DRC5: variants seen among roughly 807,000 people sequenced by gnomAD.
DRC5 encodes the protein dynein regulatory complex subunit 5, also known as T-complex-associated testis-expressed protein 1.
the DRC5 span, chr6:44,287,618 C>A: frequency 4.3e-6 from 7 of 1,614,164 alleles, no homozygotes; most frequent in Admixed American, 1.7e-5. Context: ...AGTGACCACT[C>A]AGGATCCTCA....
the DRC5 span, chr6:44,280,118 G>T: frequency 7.0e-7 from 1 of 1,429,168 alleles, no homozygotes; most frequent in Non-Finnish European, 9.8e-7. Context: ...ATACTCTGCA[G>T]CAGGCATGGC....
chr6:44,286,073 ACCAGGT>A, the DRC5 span: 14 of 1,614,046 alleles, frequency 8.7e-6, no homozygotes, highest in Non-Finnish European at 1.2e-5. Context: ...GACATCGTAC[ACCAGGT>A]CCAGCTCCTC....
the DRC5 span, among the ~76,000 whole-genome samples, chr6:44,288,149 T>G: frequency 6.6e-6 from 1 of 152,260 alleles, no homozygotes; most frequent in East Asian, 1.9e-4. Flanking sequence ...GATAAAATAA[T>G]GCATCCAAAG....
the DRC5 span, among the ~76,000 whole-genome samples, chr6:44,281,528 G>T: frequency 6.6e-6 from 1 of 152,160 alleles, no homozygotes; most frequent in Non-Finnish European, 1.5e-5. Context: ...GGGGTTACAG[G>T]TGCATGCCAC....
chr6:44,290,185 G>C, the DRC5 span, among the ~76,000 whole-genome samples: 1 of 152,148 alleles, frequency 6.6e-6, no homozygotes, highest in African/African-American at 2.4e-5. Flanking sequence ...GGGCTGGAGG[G>C]GGTTGCTGCT....
chr6:44,293,284 G>A, the DRC5 span, among the ~76,000 whole-genome samples: 1 of 140,032 alleles, frequency 7.1e-6, no homozygotes, highest in Non-Finnish European at 1.5e-5. Flanking sequence ...GTCCTTTCAA[G>A]GTCCTTTCAG....
At chr6:44,289,194 C>A in the DRC5 span, among the ~76,000 whole-genome samples, 1 of 151,160 alleles carries the variant, frequency 6.6e-6, no homozygotes, top group African/African-American at 2.4e-5. Context: ...CTGCCACCAC[C>A]CCCAGCTAAT....
At chr6:44,286,129 G>A in the DRC5 span, 5 of 1,613,952 alleles carry the variant, frequency 3.1e-6, no homozygotes, top group African/African-American at 6.7e-5. Context: ...CCAGTTGGTA[G>A]TGGTCAACGG....
At chr6:44,290,766 C>T in the DRC5 span, among the ~76,000 whole-genome samples, 1 of 152,170 alleles carries the variant, frequency 6.6e-6, no homozygotes, top group African/African-American at 2.4e-5. Context: ...TGTGCATTGC[C>T]CTGGAGTTGA....
chr6:44,292,178 G>A, the DRC5 span, among the ~76,000 whole-genome samples: 97 of 152,258 alleles, frequency 6.4e-4, no homozygotes, highest in African/African-American at 2.2e-3. Context: ...AAGGCCCTCC[G>A]TGGCTGGACA....
chr6:44,288,021 G>A, the DRC5 span: 1 of 602,668 alleles, frequency 1.7e-6, no homozygotes, highest in Non-Finnish European at 2.7e-6. Flanking sequence ...AGTCCCTGGA[G>A]TGAAGCAGAT....
chr6:44,279,802 G>T, the DRC5 span: 3 of 178,114 alleles, frequency 1.7e-5, no homozygotes, highest in Non-Finnish European at 2.3e-5. Context: ...TGTGTTTGAA[G>T]ATCAAGGATC....
the DRC5 span, among the ~76,000 whole-genome samples, chr6:44,294,772 C>CAAAAAAAA: frequency 2.3e-5 from 2 of 88,724 alleles, no homozygotes; most frequent in Admixed American, 1.3e-4. Context: ...AACTCTGTCT[C>CAAAAAAAA]AAAAAAAAAA....
At chr6:44,282,404 G>A in the DRC5 span, 73 of 1,613,986 alleles carry the variant, frequency 4.5e-5, no homozygotes, top group African/African-American at 8.7e-4. Flanking sequence ...CACGCAGGCG[G>A]CTGTGGCTCA....
At chr6:44,286,494 G>C in the DRC5 span, 1 of 1,614,022 alleles carries the variant, frequency 6.2e-7, no homozygotes, top group East Asian at 2.2e-5. Context: ...AGGACCTTCT[G>C]CTGGTGTTCC....
chr6:44,290,760 C>T, the DRC5 span, among the ~76,000 whole-genome samples: 1 of 152,214 alleles, frequency 6.6e-6, no homozygotes, highest in African/African-American at 2.4e-5. Context: ...TGCTGGTGTG[C>T]ATTGCCCTGG....
the DRC5 span, among the ~76,000 whole-genome samples, chr6:44,291,578 A>G: frequency 6.6e-6 from 1 of 152,018 alleles, no homozygotes; most frequent in African/African-American, 2.4e-5. Context: ...TCTTTTTCCA[A>G]AAGTCTTCAC....
the DRC5 span, chr6:44,286,422 A>G: frequency 6.2e-7 from 1 of 1,614,194 alleles, no homozygotes; most frequent in East Asian, 2.2e-5. Context: ...CGGAGCCAGT[A>G]GTTCTCACTG....
At chr6:44,285,816 T>C in the DRC5 span, 1 of 738,434 alleles carries the variant, frequency 1.4e-6, no homozygotes. Flanking sequence ...CAGAACCGTG[T>C]ATCTTGGTGC....
Sources: gnomAD v4.1 joint callset for allele counts (sites outside exome capture counted in the v4.1 genomes callset) on GRCh38, gnomAD v4.1.1 for gene constraint, MANE v1.5 for transcripts, NCBI Gene and HGNC (gene_info 2026-07-23, HGNC 2026-07-21) for gene names.